Variants in LTA4H observed in about 807,000 individuals in gnomAD.
LTA4H encodes the protein leukotriene A-4 hydrolase.
A neutral mutation model predicts 89.8 loss-of-function variants in LTA4H; 59 were observed. The observed-to-expected ratio is 0.66, with a 90% confidence interval of 0.53 to 0.82. LTA4H has a LOEUF of 0.82. Ranked by LOEUF, LTA4H falls within the 40% of genes least tolerant of loss-of-function variation. The pLI, the probability that LTA4H is intolerant of heterozygous loss-of-function variation, is 0.00. For missense variants in LTA4H, 617 were observed against 727.0 expected (o/e 0.85, Z 1.74); for synonymous variants, 227 against 253.1 (o/e 0.90, Z 0.98).
chr12:96,027,775 C>T (rs1182755428), intron 2 of LTA4H: 1 of 309,548 alleles, frequency 3.2e-6, no homozygotes, highest in East Asian at 6.2e-5. Context: ...TTACCTCTCC[C>T]ATGCTAACTG....
intron 13 of LTA4H, among the ~76,000 whole-genome samples, 183 bp from the exon 14 acceptor site, chr12:96,013,441 A>C (rs1473641244): frequency 6.6e-6 from 1 of 152,234 alleles, no homozygotes; most frequent in Non-Finnish European, 1.5e-5. Flanking sequence ...CTTATGTGAC[A>C]CAATGCGATG....
At chr12:96,019,341 A>G in intron 6 of LTA4H, 101 bp from the exon 7 acceptor site, 1 of 970,702 alleles carries the variant, frequency 1.0e-6, no homozygotes, top group South Asian at 1.5e-5. Context: ...TTACAGTGAG[A>G]GTGCATTTAC....
At position 96,006,361 on chromosome 12, in the gene LTA4H, GAT is replaced by G; in HGVS notation, c.1481_1482del (p.Asp494AlafsTer8). ...LNSFNATDLK[D>X]LSSHQLNEFL... Reference sequence around the variant, plus strand: ...AACTCATTCAATTGATGAGAAGAGAGATCCTTCAGGTCTGTGGCATTGAATGA... The same window carrying G: ...AACTCATTCAATTGATGAGAAGAGAGCCTTCAGGTCTGTGGCATTGAATGA... On this transcript the variant is annotated frameshift_variant, in exon 16 of 19. Coordinates refer to ENST00000228740, the MANE Select transcript of LTA4H (RefSeq NM_000895.3). LOFTEE classifies it high-confidence loss of function. The G allele has an allele frequency of 2.5e-6, 4 of 1,612,020 alleles. No homozygotes were observed. Among genetic ancestry groups the G allele is most frequent in the Non-Finnish European group, 3.4e-6 (4 of 1,178,956 alleles).
intron 18 of LTA4H, 125 bp from the exon 19 acceptor site, chr12:96,001,231 G>T: frequency 1.5e-6 from 1 of 657,020 alleles, no homozygotes; most frequent in Non-Finnish European, 2.7e-6. Context: ...AGGAGAAAGA[G>T]AATAAGAACA....
intron 1 of LTA4H, among the ~76,000 whole-genome samples, chr12:96,034,495 A>C (rs1176891108): frequency 6.6e-6 from 1 of 152,200 alleles, no homozygotes; most frequent in Non-Finnish European, 1.5e-5. Flanking sequence ...AAGTGAAATA[A>C]CTACTTGGCT....
chr12:96,005,522 A>G (rs1950183895), intron 16 of LTA4H, among the ~76,000 whole-genome samples: 1 of 152,060 alleles, frequency 6.6e-6, no homozygotes, highest in East Asian at 1.9e-4. Context: ...TGTTACCTTC[A>G]CTGACTTCCT....
intron 3 of LTA4H, among the ~76,000 whole-genome samples, chr12:96,026,398 G>T (rs1034262756): frequency 1.3e-5 from 2 of 152,088 alleles, no homozygotes; most frequent in South Asian, 2.1e-4. Context: ...AATAAGAAAT[G>T]GAATAATATA....
rs118025625 is a variant in LTA4H, at chr12:96,041,103, G to A, written c.87+2186C>T. 3.3e-4 allele frequency among the ~76,000 whole-genome samples: 50 copies of A among 151,990 alleles called. 1 individual carries two copies. In the East Asian group the frequency reaches 7.5e-3, roughly 23 times the overall value. ...CAATCCAAGGGATTAAAAGATGAACGTAAGCTTTTTTTTTAAAGAAAGCTT... is the reference window on the plus strand; with the variant it reads ...CAATCCAAGGGATTAAAAGATGAACATAAGCTTTTTTTTTAAAGAAAGCTT... On this transcript the variant is annotated intron_variant, in intron 1 of 17. Coordinates refer to the LTA4H transcript ENST00000413268.
At chr12:96,018,976 C>T (rs1950418393) in intron 7 of LTA4H, 73 bp from the exon 8 acceptor site, 7 of 1,371,266 alleles carry the variant, frequency 5.1e-6, no homozygotes, top group South Asian at 1.4e-5. Context: ...TTGTATATTG[C>T]TTTCTATGAA....
Position 96,001,058 on chromosome 12 carries a change from G to A in LTA4H, c.1767C>T (p.Tyr589=). The change falls in exon 19 of 19, where the codon TAC becomes TAT. Residue 589 remains tyrosine, a synonymous_variant. Transcript: ENST00000228740. The part of the protein sequence containing the change: ...DKSHDQAVRT[Y]QEHKASMHPV... ...GATGCATGCTTGCTTTGTGCTCTTG[G>A]TAGGTTCGGACAGCTTGATCATGGG... is the stretch of plus-strand genomic sequence containing the variant. 1 of 1,614,078 alleles carries A rather than the reference G, an allele frequency of 6.2e-7. No homozygotes were observed. The highest frequency in any genetic ancestry group is 1.1e-5 in the South Asian group (1 of 91,074).
At chr12:96,015,180 C>A in intron 11 of LTA4H, 181 bp from the exon 12 acceptor site, 1 of 523,324 alleles carries the variant, frequency 1.9e-6, no homozygotes, top group Non-Finnish European at 3.3e-6. Flanking sequence ...AGAATGCTTA[C>A]TTAAGTAATA....
chr12:96,042,789 TC>T (rs968892374), intron 1 of LTA4H, among the ~76,000 whole-genome samples: 5 of 152,132 alleles, frequency 3.3e-5, no homozygotes, highest in African/African-American at 1.2e-4. Flanking sequence ...ACTCGCTTCC[TC>T]CCCAGTTCAC....
At chr12:96,037,146 T>A (rs1431031978), upstream of LTA4H, among the ~76,000 whole-genome samples, 1 of 152,230 alleles carries the variant, frequency 6.6e-6, no homozygotes, top group Non-Finnish European at 1.5e-5. Flanking sequence ...GGGAAGATGC[T>A]AAATTCAATT....
chr12:96,030,103 C>T (rs1170176014), intron 1 of LTA4H, among the ~76,000 whole-genome samples: 1 of 152,182 alleles, frequency 6.6e-6, no homozygotes, highest in Non-Finnish European at 1.5e-5. Context: ...GTCCAATAAC[C>T]TTGACCTCTG....
intron 1 of LTA4H, among the ~76,000 whole-genome samples, chr12:96,033,208 A>G (rs975352920): frequency 6.6e-6 from 1 of 152,252 alleles, no homozygotes; most frequent in African/African-American, 2.4e-5. Context: ...TACTTTTATC[A>G]GCATAGTTTA....
chr12:96,005,696 T>TTAAG (rs1303095936), intron 16 of LTA4H, among the ~76,000 whole-genome samples: 8 of 152,192 alleles, frequency 5.3e-5, no homozygotes, highest in African/African-American at 1.9e-4. Context: ...CTTTCACTAA[T>TTAAG]TAAGTTTTTC....
At chr12:96,015,977 T>A (rs1179148182) in intron 10 of LTA4H, among the ~76,000 whole-genome samples, 1 of 152,184 alleles carries the variant, frequency 6.6e-6, no homozygotes, top group Non-Finnish European at 1.5e-5. Flanking sequence ...AGACTGAACC[T>A]AACACTCCTA....
chr12:96,027,616 ATT>A, intron 2 of LTA4H, 52 bp from the exon 3 acceptor site: 1 of 1,178,824 alleles, frequency 8.5e-7, no homozygotes, highest in Non-Finnish European at 1.2e-6. Context: ...TCTAGTGAAA[ATT>A]TAAACTCATA....
upstream of LTA4H, among the ~76,000 whole-genome samples, chr12:96,037,560 G>A (rs992453141): frequency 8.5e-5 from 13 of 152,130 alleles, no homozygotes; most frequent in African/African-American, 3.1e-4. Flanking sequence ...GGTTGAAGAT[G>A]GAAGCCAGAG....
Sources: gnomAD v4.1 joint callset for allele counts (sites outside exome capture counted in the v4.1 genomes callset) on GRCh38, gnomAD v4.1.1 for gene constraint, MANE v1.5 for transcripts, NCBI Gene and HGNC (gene_info 2026-07-23, HGNC 2026-07-21) for gene names.